The following CAPN10 variants were observed in gnomAD, a reference collection of about 807,000 sequenced individuals.
CAPN10 encodes calpain 10.
In CAPN10, 71 loss-of-function variants were observed where a neutral mutation model predicts 78.4. That is an observed-to-expected ratio of 0.91 (90% CI 0.75 to 1.10). The LOEUF (loss-of-function observed/expected upper bound fraction) is 1.10, where lower values mean the gene tolerates loss of function less well. Among genes scored for constraint, CAPN10 ranks in the 50% least tolerant of loss-of-function variants. The probability of loss-of-function intolerance (pLI) is 0.00; values close to 1 mark genes in which losing one functional copy is unlikely to be tolerated. For missense variants in CAPN10, 849 were observed against 924.6 expected, an observed-to-expected ratio of 0.92 and a Z score of 1.06; for synonymous variants, 437 against 407.2, an observed-to-expected ratio of 1.07 and a Z score of -0.88.
At position 240,599,025 on chromosome 2, in the gene CAPN10, ATCT is replaced by A. The variant is rs2093155525; in HGVS notation, c.*350_*352del. The A allele has an allele frequency of 2.4e-6, 1 of 418,774 alleles. No individual in the cohort carries two copies. The highest frequency in any genetic ancestry group is 6.3e-4 in the Middle Eastern group (1 of 1,586). The allele number at this position is 418,774 out of a possible 1,614,324, so 25.9% of individuals were successfully genotyped here. Reference sequence around the variant, plus strand: ...TCACACCCAGAGGGTAGGGCAGCAGATCTTCTTTATAACTATTTATTGTTCGAA... The same window carrying A: ...TCACACCCAGAGGGTAGGGCAGCAGATCTTTATAACTATTTATTGTTCGAA... On this transcript the variant is annotated 3_prime_UTR_variant, in exon 12 of 12. Transcript: ENST00000391984.
In CAPN10 at chr2:240,597,926, G is replaced by C. The variant is rs1456184216; in HGVS notation, c.1782G>C (p.Leu594=). 24 of 1,611,656 alleles carry C rather than the reference G, an allele frequency of 1.5e-5. No individual in the cohort carries two copies. Among genetic ancestry groups the C allele is most frequent in the Non-Finnish European group, 2.0e-5 (24 of 1,179,486 alleles). Residue 594 remains leucine (L), a synonymous_variant, in exon 10 of 12, where the codon CTG becomes CTC. Transcript: ENST00000391984. The part of the protein sequence containing the change: ...EGGRSQDAPP[L]LLQEPLLSCV... ...GAAGGAGCCAGGACGCACCCCCACT[G>C]CTGCTGCAGGAGCCGCTGCTGAGCT...
At position 240,586,810 on chromosome 2, in the gene CAPN10, A is replaced by C. The variant is rs2093070551; in HGVS notation, c.-102A>C. On this transcript the variant is annotated 5_prime_UTR_variant, in exon 1 of 12. Coordinates refer to ENST00000391984, the MANE Select transcript of CAPN10 (RefSeq NM_023083.4). ...GCTTGGAGGGCTGGGCCGGGCGGGG[A>C]ACGGGCGGGGCGGGCCGGAGGCGGC... The C allele has an allele frequency of 8.5e-7, 1 of 1,179,090 alleles. No homozygotes were observed. 73.0% of individuals were successfully genotyped at this position (1,179,090 alleles called of 1,614,324 possible).
Position 240,596,303 on chromosome 2 carries a change from C to T in CAPN10, c.1279-16C>T. 1.9e-6 allele frequency: 3 copies of T among 1,593,520 alleles called. No homozygotes were observed. The highest frequency in any genetic ancestry group is 2.6e-6 in the Non-Finnish European group (3 of 1,165,454). ...CGGCCGCTCCTCCACACTGAGCCTC[C>T]TGCACGTGCTCACAGGTAGAGAAGC... On this transcript the variant is annotated splice_polypyrimidine_tract_variant and intron_variant, in intron 7 of 11. Coordinates refer to ENST00000391984, the MANE Select transcript of CAPN10 (RefSeq NM_023083.4).
At chr2:240,595,725 C>A (rs1206741043) in intron 7 of CAPN10, among the ~76,000 whole-genome samples, 1 of 152,228 alleles carries the variant, frequency 6.6e-6, no homozygotes, top group Non-Finnish European at 1.5e-5. Context: ...CTCCCTCAGT[C>A]TCTTCCCCTG....
intron 2 of CAPN10, 155 bp downstream of exon 2, chr2:240,589,629 C>G: frequency 1.1e-6 from 1 of 938,136 alleles, no homozygotes; most frequent in East Asian, 2.6e-5. Flanking sequence ...AAGGCAGAGG[C>G]TGAGGACTGC....
rs1316872862 is a variant in CAPN10 at position 240,590,966 on chromosome 2, G to A, written c.425G>A (p.Arg142Lys). 7.4e-6 allele frequency: 12 copies of A among 1,614,240 alleles called. No individual in the cohort carries two copies. In the South Asian group the frequency reaches 1.2e-4, roughly 16 times the overall value. Reference protein sequence around the residue: ...AGRLCFSRCQREDVFWLPLLE... With the variant: ...AGRLCFSRCQKEDVFWLPLLE... ...AGACTCTGTTTCTCCCGCTGCCAGA[G>A]GGAGGATGTGTTCTGGCTCCCCTTA... is the stretch of plus-strand genomic sequence containing the variant. Residue 142 changes from arginine (R) to lysine (K), a missense_variant, in exon 3 of 12, where the codon AGG becomes AAG. Arg to Lys is a conservative substitution (Grantham distance 26). Coordinates refer to ENST00000391984, the MANE Select transcript of CAPN10 (RefSeq NM_023083.4).
chr2:240,586,940 C>A lies in CAPN10; in HGVS notation c.29C>A (p.Ala10Glu). The A allele has an allele frequency of 1.4e-6, 2 of 1,457,772 alleles. No homozygotes were observed. Among genetic ancestry groups the A allele is most frequent in the Non-Finnish European group, 1.8e-6 (2 of 1,105,816 alleles). The allele number at this position is 1,457,772 out of a possible 1,614,324, so 90.3% of individuals were successfully genotyped here. A position where few individuals can be genotyped will look rare whatever the true frequency, so the allele number is the denominator to read the frequency against. MRAGRGATP[A>E]RELFRDAAFP... ...CGGGCGGGCCGGGGCGCGACGCCGG[C>A]GAGGGAGCTGTTCCGGGACGCCGCC... Residue 10 changes from alanine to glutamate, a missense_variant, in exon 1 of 12, where the codon GCG becomes GAG. By Grantham distance (107) the Ala-to-Glu change is moderately radical (BLOSUM62 -1). Transcript: ENST00000391984.
At chr2:240,591,360 T>G in intron 3 of CAPN10, 2 of 269,072 alleles carry the variant, frequency 7.4e-6, no homozygotes, top group South Asian at 1.3e-4. Context: ...ACTCATTGTG[T>G]AGTCGTTGGG....
chr2:240,594,765 C>A, intron 6 of CAPN10, 56 bp downstream of exon 6: 1 of 1,559,712 alleles, frequency 6.4e-7, no homozygotes. Context: ...AGTGAGGAGG[C>A]TGGGCAGGTG....
intron 11 of CAPN10, 52 bp from the exon 12 acceptor site, chr2:240,598,599 G>C: frequency 1.9e-6 from 3 of 1,552,178 alleles, no homozygotes; most frequent in South Asian, 1.2e-5. Context: ...GGGGTGGGGT[G>C]TGAGAAGGGG....
intron 7 of CAPN10, 118 bp downstream of exon 7, chr2:240,595,422 A>G: frequency 8.9e-7 from 1 of 1,118,930 alleles, no homozygotes; most frequent in South Asian, 1.5e-5. Flanking sequence ...GGGCCCCACC[A>G]GTCTCCCCCC....
In CAPN10 at chr2:240,592,164, C is replaced by T; in HGVS notation, c.688+14C>T. 6.4e-7 allele frequency: 1 copy of T among 1,550,728 alleles called. No individual in the cohort carries two copies. On this transcript the variant is annotated intron_variant, in intron 4 of 11. Transcript: ENST00000391984. ...GCCCCAGAGCAGGTGAGGCACGTGGCCAGCATGGGAGGGCTGCAGCCAGCG... is the reference window on the plus strand; with the variant it reads ...GCCCCAGAGCAGGTGAGGCACGTGGTCAGCATGGGAGGGCTGCAGCCAGCG...
In CAPN10 at chr2:240,593,953, C is replaced by T. The variant is rs372639976; in HGVS notation, c.736C>T (p.Arg246Trp). Residue 246 changes from arginine (R) to tryptophan (W), a missense_variant, in exon 5 of 12, where the codon CGG (arginine) becomes TGG (tryptophan). Physicochemically the swap from Arg to Trp is moderately radical, Grantham distance 101. Transcript: ENST00000391984. ...CCATGCCTTCATTGTCTCGGACCTG[C>T]GGGAGCTCCAGGGTCAGGCGGGCCA... The part of the protein sequence containing the change: ...EFHAFIVSDL[R>W]ELQGQAGQCI... 9.9e-6 allele frequency: 16 copies of T among 1,609,588 alleles called. No individual in the cohort carries two copies. Among genetic ancestry groups the T allele is most frequent in the Admixed American group, 3.3e-5 (2 of 59,836 alleles).
chr2:240,597,847 C>T, intron 9 of CAPN10, 41 bp from the exon 10 acceptor site: 4 of 1,538,734 alleles, frequency 2.6e-6, no homozygotes, highest in Middle Eastern at 2.3e-4. Flanking sequence ...GCTCCCTACC[C>T]CAAGGCTGGC....
Position 240,589,368 on chromosome 2 carries a change from T to C in CAPN10, c.167T>C (p.Phe56Ser). ...GAGATTTGTGCCACACCCCGGCTGT[T>C]TCCAGATGACCCACGGGAAGGGCAG... Reference protein sequence around the residue: ...PQEICATPRLFPDDPREGQVK... With the variant: ...PQEICATPRLSPDDPREGQVK... The change falls in exon 2 of 12, where the codon TTT (phenylalanine) becomes TCT (serine). Residue 56 changes from phenylalanine (F) to serine (S), a missense_variant. Coordinates refer to ENST00000391984, the MANE Select transcript of CAPN10 (RefSeq NM_023083.4). 6.2e-7 allele frequency: 1 copy of C among 1,614,140 alleles called. No individual in the cohort carries two copies.
rs908122924 is a variant in CAPN10, at chr2:240,594,228, G to A, written c.830+181G>A. 1.0e-5 allele frequency: 7 copies of A among 682,754 alleles called. 1 individual carries two copies. In the South Asian group the frequency reaches 1.7e-4, roughly 17 times the overall value. 42.3% of individuals were successfully genotyped at this position (682,754 alleles called of 1,614,324 possible). On this transcript the variant is annotated intron_variant, in intron 5 of 11. Transcript: ENST00000391984. Reference sequence around the variant, plus strand: ...TCCAGGCAATCCTTGTGAGGCCTGGGACCAAGGTGGCCATTGGGCCTGGGG... The same window carrying A: ...TCCAGGCAATCCTTGTGAGGCCTGGAACCAAGGTGGCCATTGGGCCTGGGG...
At chr2:240,593,493 C>T (rs2093116248) in intron 4 of CAPN10, among the ~76,000 whole-genome samples, 1 of 152,284 alleles carries the variant, frequency 6.6e-6, no homozygotes, top group Non-Finnish European at 1.5e-5. Context: ...AGGGCACTAT[C>T]TGAATGTCCT....
At chr2:240,593,143 G>A (rs529112925) in intron 4 of CAPN10, among the ~76,000 whole-genome samples, 3 of 152,352 alleles carry the variant, frequency 2.0e-5, no homozygotes, top group Non-Finnish European at 4.4e-5. Flanking sequence ...CGCTGGTCTG[G>A]TGGGCATTAG....
At chr2:240,587,170 TCTC>T (rs1005304735) in intron 1 of CAPN10, 118 bp downstream of exon 1, 4 of 524,104 alleles carry the variant, frequency 7.6e-6, no homozygotes, top group African/African-American at 2.0e-5. Context: ...CCGCCGTTGT[TCTC>T]CTCAGAAGTG....
Sources: gnomAD v4.1 joint callset for allele counts (sites outside exome capture counted in the v4.1 genomes callset) on GRCh38, gnomAD v4.1.1 for gene constraint, MANE v1.5 for transcripts, NCBI Gene and HGNC (gene_info 2026-07-23, HGNC 2026-07-21) for gene names.